Variants in ERC2 observed in about 807,000 individuals in gnomAD.
ERC2 encodes the protein ERC protein 2.
Under a neutral mutation model 114.8 loss-of-function variants are expected in ERC2, and 42 were observed. The ratio of observed to expected loss-of-function variants is 0.37; its 90% CI spans 0.29 to 0.47. The LOEUF (loss-of-function observed/expected upper bound fraction) is 0.47, where lower values mean the gene tolerates loss of function less well. Ranked by LOEUF, ERC2 falls within the 20% of genes least tolerant of loss-of-function variation. ERC2 has a pLI of 0.99. For synonymous variants in ERC2, 454 were observed against 425.5 expected (o/e 1.07, Z -0.82); for missense variants, 939 against 1,150.7 (o/e 0.82, Z 2.66).
At chr3:55,527,028 G>A (rs944207479) in intron 17 of ERC2, among the ~76,000 whole-genome samples, 1 of 152,254 alleles carries the variant, frequency 6.6e-6, no homozygotes, top group Non-Finnish European at 1.5e-5. Context: ...CTGGATGGGG[G>A]CAGGAGAGTC....
chr3:55,628,293 G>A (rs1191401579), intron 17 of ERC2, among the ~76,000 whole-genome samples: 2 of 152,358 alleles, frequency 1.3e-5, no homozygotes, highest in Non-Finnish European at 2.9e-5. Context: ...CTAGCCACTA[G>A]CTCAGTGTGG....
At chr3:55,796,528 C>A (rs1328417300) in intron 14 of ERC2, among the ~76,000 whole-genome samples, 1 of 152,112 alleles carries the variant, frequency 6.6e-6, no homozygotes, top group African/African-American at 2.4e-5. Context: ...TGGGTTCAAG[C>A]GATTCTCCTG....
At chr3:55,608,850 T>A (rs73830664) in intron 17 of ERC2, among the ~76,000 whole-genome samples, 1 of 152,160 alleles carries the variant, frequency 6.6e-6, no homozygotes, top group Non-Finnish European at 1.5e-5. Flanking sequence ...ACAGTGAGAA[T>A]TGGGATAAAT....
At chr3:56,388,149 T>A (rs1225429872) in intron 2 of ERC2, among the ~76,000 whole-genome samples, 2 of 152,158 alleles carry the variant, frequency 1.3e-5, no homozygotes, top group Admixed American at 6.5e-5. Context: ...CATACAATGG[T>A]GATACAGTTT....
intron 3 of ERC2, among the ~76,000 whole-genome samples, chr3:56,257,583 G>A (rs1319638580): frequency 6.6e-6 from 1 of 152,292 alleles, no homozygotes; most frequent in Non-Finnish European, 1.5e-5. Flanking sequence ...ATGGCATCAC[G>A]TTCAAGGCCA....
At chr3:56,041,415 A>G (rs1351108109) in intron 7 of ERC2, among the ~76,000 whole-genome samples, 1 of 152,128 alleles carries the variant, frequency 6.6e-6, no homozygotes, top group African/African-American at 2.4e-5. Flanking sequence ...TGCTGTAGGC[A>G]TCCTGCGCTC....
chr3:56,305,361 C>T (rs1356594031), intron 2 of ERC2, among the ~76,000 whole-genome samples: 1 of 151,840 alleles, frequency 6.6e-6, no homozygotes, highest in Non-Finnish European at 1.5e-5. Flanking sequence ...TTGAAAAATG[C>T]ACAAAAGAAA....
chr3:55,716,452 G>A (rs986902899), intron 15 of ERC2, among the ~76,000 whole-genome samples: 2 of 152,204 alleles, frequency 1.3e-5, no homozygotes, highest in African/African-American at 4.8e-5. Context: ...AAAACCACAA[G>A]TGGGATCAGA....
chr3:55,650,719 A>G (rs114174939), intron 17 of ERC2, among the ~76,000 whole-genome samples: 4,248 of 152,302 alleles, frequency 0.028, 219 homozygotes, highest in African/African-American at 0.097. Context: ...TCTTCCAGAA[A>G]AAAAGCCTGC....
intron 2 of ERC2, among the ~76,000 whole-genome samples, chr3:56,412,678 T>C (rs1003610913): frequency 6.6e-6 from 1 of 152,188 alleles, no homozygotes; most frequent in Non-Finnish European, 1.5e-5. Flanking sequence ...TTTGGCACGA[T>C]TTGTGAGCTG....
chr3:56,264,940 T>C lies in ERC2; in HGVS notation c.1074+31079A>G, dbSNP rs150981112. On this transcript the variant is annotated intron_variant, in intron 3 of 17. Coordinates refer to ENST00000288221, the MANE Select transcript of ERC2 (RefSeq NM_015576.3). ...GTACACTGAAACTATAACACATTGA[T>C]AAAAGAAATCAAAGAAGACACAAAT... 3.7e-3 allele frequency among the ~76,000 whole-genome samples: 564 copies of C among 151,846 alleles called. 8 individuals are homozygous for C. Among genetic ancestry groups the C allele is most frequent in the African/African-American group, 0.013 (534 of 41,428 alleles).
intron 14 of ERC2, among the ~76,000 whole-genome samples, chr3:55,854,740 A>G (rs551784881): frequency 2.2e-4 from 34 of 152,242 alleles, no homozygotes; most frequent in African/African-American, 7.7e-4. Context: ...CATACATGTC[A>G]TGTCCTGTTT....
intron 17 of ERC2, among the ~76,000 whole-genome samples, chr3:55,656,738 A>G (rs1174536976): frequency 2.0e-5 from 3 of 152,240 alleles, no homozygotes; most frequent in Non-Finnish European, 4.4e-5. Flanking sequence ...TAGACTCCGA[A>G]GGCCAGCTGA....
intron 6 of ERC2, among the ~76,000 whole-genome samples, chr3:56,126,683 A>ACT (rs1428015665): frequency 1.3e-5 from 2 of 151,974 alleles, no homozygotes; most frequent in African/African-American, 4.8e-5. Context: ...TGAGCCCAGG[A>ACT]GTTCAAAGCT....
chr3:55,514,329 C>T (rs942071400), intron 17 of ERC2, among the ~76,000 whole-genome samples: 4 of 151,948 alleles, frequency 2.6e-5, no homozygotes, highest in Non-Finnish European at 5.9e-5. Context: ...CTGGGGAGGT[C>T]GAGGCTGCAG....
At chr3:56,186,204 T>C (rs991535978) in intron 3 of ERC2, among the ~76,000 whole-genome samples, 3 of 151,186 alleles carry the variant, frequency 2.0e-5, no homozygotes, top group African/African-American at 7.3e-5. Flanking sequence ...AAAAATCTAG[T>C]TGAGTTGTGC....
At chr3:55,987,226 G>A (rs2070708213) in intron 11 of ERC2, among the ~76,000 whole-genome samples, 1 of 152,190 alleles carries the variant, frequency 6.6e-6, no homozygotes, top group African/African-American at 2.4e-5. Context: ...AGTTATGTCA[G>A]GACACGATCA....
intron 3 of ERC2, among the ~76,000 whole-genome samples, chr3:56,233,759 C>T (rs542502958): frequency 1.3e-5 from 2 of 152,292 alleles, no homozygotes; most frequent in South Asian, 4.1e-4. Context: ...GTTCCTTTGC[C>T]TTCCCCACCT....
intron 14 of ERC2, among the ~76,000 whole-genome samples, chr3:55,747,135 C>A (rs565009735): frequency 1.3e-5 from 2 of 152,212 alleles, no homozygotes; most frequent in African/African-American, 4.8e-5. Context: ...GAGAGAGATC[C>A]ATGATTCAGG....
Sources: allele counts gnomAD v4.1 joint callset (sites outside exome capture counted in the v4.1 genomes callset), GRCh38; gene constraint gnomAD v4.1.1; transcripts MANE v1.5; gene names NCBI Gene and HGNC (gene_info 2026-07-23, HGNC 2026-07-21).